NBPF3: variants seen among roughly 807,000 people sequenced by gnomAD.
The protein encoded by NBPF3 is NBPF member 3, also known as NBPF family member NBPF3.
A neutral mutation model predicts 78.1 loss-of-function variants in NBPF3; 57 were observed. That is an observed-to-expected ratio of 0.73 (90% confidence interval 0.59 to 0.91). The LOEUF is 0.91. Among genes scored for constraint, NBPF3 ranks in the 40% least tolerant of loss-of-function variants. The pLI is 0.00. For synonymous variants in NBPF3, 182 were observed against 271.7 expected (o/e 0.67, Z 3.25); for missense variants, 510 against 715.3 (o/e 0.71, Z 3.27).
At position 21,470,744 on chromosome 1, in the gene NBPF3, C is replaced by T. The variant is rs746972979; in HGVS notation, c.446+10C>T. 8 of 1,579,034 alleles carry T rather than the reference C, an allele frequency of 5.1e-6. No individual in the cohort carries two copies. Among genetic ancestry groups the T allele is most frequent in the South Asian group, 2.2e-5 (2 of 90,538 alleles). On this transcript the variant is annotated intron_variant, in intron 4 of 14. Transcript: ENST00000318249. ...AAGCTGAGGAGCTCAGGTGAGTGGG[C>T]CCCCTGGGGTCAGGCAGGTGGGCAG...
At chr1:21,479,896 G>A (rs2148016163) in intron 10 of NBPF3, among the ~76,000 whole-genome samples, 155 bp from the exon 11 acceptor site, 1 of 149,386 alleles carries the variant, frequency 6.7e-6, no homozygotes, top group East Asian at 2.0e-4. Flanking sequence ...CCTGGCCCTG[G>A]TCTGTCCCAA....
At position 21,452,411 on chromosome 1, in the gene NBPF3, GA is replaced by G. The variant is rs753419137; in HGVS notation, c.133+7196del. 1.3e-5 allele frequency among the ~76,000 whole-genome samples: 2 copies of G among 152,298 alleles called. 1 individual carries two copies. The highest frequency in any genetic ancestry group is 2.9e-5 in the Non-Finnish European group (2 of 68,040). On this transcript the variant is annotated intron_variant, in intron 2 of 14. Coordinates refer to ENST00000318249, the MANE Select transcript of NBPF3 (RefSeq NM_032264.6). ...ACATGCTACCAAAAACAAAGTAGCTGAAAAGGAACCAGAATAACAGAATATC... is the reference window on the plus strand; with the variant it reads ...ACATGCTACCAAAAACAAAGTAGCTGAAAGGAACCAGAATAACAGAATATC...
chr1:21,454,909 C>T (rs1641512072), intron 2 of NBPF3, among the ~76,000 whole-genome samples: 1 of 152,204 alleles, frequency 6.6e-6, no homozygotes, highest in South Asian at 2.1e-4. Context: ...TTCTCAGGGC[C>T]TCACAGGCTG....
intron 2 of NBPF3, among the ~76,000 whole-genome samples, chr1:21,464,499 T>C (rs939103079): frequency 7.9e-5 from 12 of 152,190 alleles, no homozygotes; most frequent in African/African-American, 2.9e-4. Flanking sequence ...GGCATGCTTT[T>C]TGGCATTATG....
At chr1:21,462,331 G>GA (rs2147954918) in intron 2 of NBPF3, among the ~76,000 whole-genome samples, 1 of 152,292 alleles carries the variant, frequency 6.6e-6, no homozygotes, top group Non-Finnish European at 1.5e-5. Context: ...TGGCATGGGG[G>GA]AAAATGTTCT....
chr1:21,466,794 C>G (rs1175588598), intron 2 of NBPF3, among the ~76,000 whole-genome samples: 2 of 152,122 alleles, frequency 1.3e-5, no homozygotes, highest in East Asian at 1.9e-4. Context: ...CTTCAAGTTT[C>G]TTACCTGTTA....
intron 7 of NBPF3, 76 bp from the exon 8 acceptor site, chr1:21,474,824 A>G: frequency 3.8e-6 from 5 of 1,324,004 alleles, no homozygotes; most frequent in Non-Finnish European, 5.4e-6. Context: ...TCCTTGTCCT[A>G]TGACTGGACA....
chr1:21,449,364 G>C (rs1641168431), intron 2 of NBPF3, among the ~76,000 whole-genome samples: 1 of 152,092 alleles, frequency 6.6e-6, no homozygotes, highest in African/African-American at 2.4e-5. Flanking sequence ...ACCTTGTCTG[G>C]TGAGCACAAG....
rs536453578 is a variant in NBPF3, at chr1:21,482,223, A to G, written c.1607-261A>G. Among the ~76,000 whole-genome samples the G allele has an allele frequency of 2.5e-4, 38 of 149,048 alleles. 2 individuals are homozygous for G. The highest frequency in any genetic ancestry group is 8.6e-4 in the African/African-American group (34 of 39,532). On this transcript the variant is annotated intron_variant, in intron 13 of 14. Transcript: ENST00000318249. ...TTTAAATTGATTGGAAAGATATGGCATAACCGTTTGCACAAACTTGGGACA... is the reference window on the plus strand; with the variant it reads ...TTTAAATTGATTGGAAAGATATGGCGTAACCGTTTGCACAAACTTGGGACA...
Position 21,445,199 on chromosome 1 carries a change from A to C in NBPF3, c.113A>C (p.Gln38Pro), listed in dbSNP as rs1488381645. Reference protein sequence around the residue: ...RAASHGVGRHQELRDPTVPGP... With the variant: ...RAASHGVGRHPELRDPTVPGP... ...GCCTCACATGGTGTGGGCCGACATC[A>C]AGAGCTGCGAGATCCAACAGGTAAA... Residue 38 changes from glutamine (Q) to proline (P), a missense_variant, in exon 2 of 15, where the codon CAA becomes CCA. Physicochemically the swap from Gln to Pro is moderately conservative, Grantham distance 76 (BLOSUM62 -1). Coordinates refer to ENST00000318249, the MANE Select transcript of NBPF3 (RefSeq NM_032264.6). The C allele has an allele frequency of 1.9e-6, 3 of 1,611,794 alleles. No homozygotes were observed. The highest frequency in any genetic ancestry group is 1.7e-5 in the Admixed American group (1 of 60,000).
At chr1:21,465,488 AAC>A (rs1205296713) in intron 2 of NBPF3, among the ~76,000 whole-genome samples, 1 of 152,258 alleles carries the variant, frequency 6.6e-6, no homozygotes, top group African/African-American at 2.4e-5. Flanking sequence ...CCAAAGCCAA[AAC>A]ACAACAGCAG....
chr1:21,472,944 T>C (rs768262660), intron 6 of NBPF3, 29 bp downstream of exon 6: 3 of 1,530,196 alleles, frequency 2.0e-6, no homozygotes, highest in South Asian at 1.1e-5. Flanking sequence ...GAGCAAGTAA[T>C]GGGTGGTAAC....
intron 2 of NBPF3, among the ~76,000 whole-genome samples, chr1:21,447,639 AT>A (rs1321284105): frequency 6.6e-6 from 1 of 152,136 alleles, no homozygotes; most frequent in Non-Finnish European, 1.5e-5. Flanking sequence ...CAGTTTCTTT[AT>A]TCATTCACTT....
intron 2 of NBPF3, chr1:21,446,274 G>A (rs1319200528): frequency 1.3e-5 from 2 of 152,260 alleles, no homozygotes; most frequent in Non-Finnish European, 2.9e-5. Context: ...GTGGGCCAGA[G>A]ACAGAATGTG....
intron 2 of NBPF3, among the ~76,000 whole-genome samples, chr1:21,452,989 T>C (rs1641395457): frequency 6.6e-6 from 1 of 152,184 alleles, no homozygotes; most frequent in South Asian, 2.1e-4. Context: ...TTTCTGAATA[T>C]GAGCACAGAC....
At chr1:21,477,265 C>G (rs1558505200) in intron 8 of NBPF3, among the ~76,000 whole-genome samples, 1 of 152,168 alleles carries the variant, frequency 6.6e-6, no homozygotes, top group Non-Finnish European at 1.5e-5. Flanking sequence ...ACTTCTGAAG[C>G]CTACTTCTGT....
chr1:21,478,076 G>A (rs781529987), intron 8 of NBPF3, 68 bp from the exon 9 acceptor site: 1 of 1,612,064 alleles, frequency 6.2e-7, no homozygotes, highest in Admixed American at 1.7e-5. Flanking sequence ...CAGATCATCT[G>A]GAAGGTTTTG....
In NBPF3 at chr1:21,471,707, C is replaced by T. The variant is rs865950208; in HGVS notation, c.585C>T (p.Ser195=). Residue 195 remains serine, a synonymous_variant, in exon 5 of 15, where the codon TCC becomes TCT. Coordinates refer to ENST00000318249, the MANE Select transcript of NBPF3 (RefSeq NM_032264.6). ...ALLTPDEPDN[S]QGRDLREQLA... ...TCACTCCGGATGAGCCGGACAACTC[C>T]CAGGGACGGGACCTCCGAGAACAGC... 1 of 1,612,452 alleles carries T rather than the reference C, an allele frequency of 6.2e-7. No homozygotes were observed. The highest frequency in any genetic ancestry group is 8.5e-7 in the Non-Finnish European group (1 of 1,179,522).
chr1:21,471,791 G>A lies in NBPF3; in HGVS notation c.661+8G>A. 1 of 1,612,408 alleles carries A rather than the reference G, an allele frequency of 6.2e-7. No homozygotes were observed. Among genetic ancestry groups the A allele is most frequent in the Non-Finnish European group, 8.5e-7 (1 of 1,179,790 alleles). ...TCCAAAAGCTCAGCCCAGGTGAGGT[G>A]GCCATAGGCCCTGATGACCCAAAAC... is the stretch of plus-strand genomic sequence containing the variant. On this transcript the variant is annotated splice_region_variant and intron_variant, in intron 5 of 14. Coordinates refer to ENST00000318249, the MANE Select transcript of NBPF3 (RefSeq NM_032264.6).
Sources: gnomAD v4.1 joint callset for allele counts (sites outside exome capture counted in the v4.1 genomes callset) on GRCh38, gnomAD v4.1.1 for gene constraint, MANE v1.5 for transcripts, NCBI Gene and HGNC (gene_info 2026-07-23, HGNC 2026-07-21) for gene names.